The following HBE1 variants were observed in gnomAD, a reference collection of about 807,000 sequenced individuals.
HBE1 encodes the protein hemoglobin subunit epsilon 1, also known as hemoglobin subunit epsilon.
Under a neutral mutation model 12.1 loss-of-function variants are expected in HBE1, and 10 were observed. The ratio of observed to expected loss-of-function variants is 0.83; its 90% CI spans 0.51 to 1.40. HBE1 has a LOEUF of 1.40. Among genes scored for constraint, HBE1 ranks in the 40% most tolerant of loss-of-function variants. The pLI, the probability that HBE1 is intolerant of heterozygous loss-of-function variation, is 0.00. For missense variants in HBE1, 172 were observed against 175.8 expected (o/e 0.98, Z 0.12); for synonymous variants, 78 against 70.4 (o/e 1.11, Z -0.54).
chr11:5,268,499 G>A lies in HBE1; in HGVS notation c.414C>T (p.Val138=), dbSNP rs145809569. The A allele has an allele frequency of 1.2e-5, 19 of 1,613,914 alleles. No homozygotes were observed. Among genetic ancestry groups the A allele is most frequent in the South Asian group, 6.6e-5 (6 of 91,060 alleles). The change falls in exon 3 of 3, where the codon GTC becomes GTT. Residue 138 remains valine (V), a synonymous_variant. Coordinates refer to ENST00000396895, the MANE Select transcript of HBE1 (RefSeq NM_005330.4). The part of the protein sequence containing the change: ...QAAWQKLVSA[V]AIALAHKYH ...GGTACTTATGGGCCAGGGCAATGGC[G>A]ACAGCAGACACCAGCTTCTGCCAGG... is the stretch of plus-strand genomic sequence containing the variant.
In HBE1 at chr11:5,268,515, T is replaced by G; in HGVS notation, c.398A>C (p.Lys133Thr). The G allele has an allele frequency of 3.1e-6, 5 of 1,613,834 alleles. No individual in the cohort carries two copies. Among genetic ancestry groups the G allele is most frequent in the Non-Finnish European group, 4.2e-6 (5 of 1,179,760 alleles). ...FTPEVQAAWQKLVSAVAIALA... is the reference protein window; with the variant it reads ...FTPEVQAAWQTLVSAVAIALA... ...GGCAATGGCGACAGCAGACACCAGC[T>G]TCTGCCAGGCAGCCTGCACTTCAGG... The change falls in exon 3 of 3, where the codon AAG (lysine) becomes ACG (threonine). Residue 133 changes from lysine to threonine, a missense_variant. Transcript: ENST00000396895.
At chr11:5,268,657 C>A in intron 2 of HBE1, 60 bp from the exon 3 acceptor site, 4 of 1,408,806 alleles carry the variant, frequency 2.8e-6, no homozygotes, top group Non-Finnish European at 3.8e-6. Flanking sequence ...CCGAAAACAA[C>A]TTGATGAAAA....
Position 5,268,425 on chromosome 11 carries a change from G to T in HBE1, c.*44C>A, listed in dbSNP as rs762454824. On this transcript the variant is annotated 3_prime_UTR_variant, in exon 3 of 3. Transcript: ENST00000396895. ...CAAGCCCAGTCCCCATGTGCAGAAG[G>T]AGGGTGTCAGGGTCACAGGAACACC... 1.3e-6 allele frequency: 2 copies of T among 1,584,490 alleles called. No homozygotes were observed. Among genetic ancestry groups the T allele is most frequent in the South Asian group, 2.2e-5 (2 of 89,028 alleles).
chr11:5,269,145 A>C (rs894600693), intron 2 of HBE1, among the ~76,000 whole-genome samples: 4 of 152,142 alleles, frequency 2.6e-5, no homozygotes. Flanking sequence ...ACTTTCATCT[A>C]CCAAAAGCCA....
chr11:5,268,822 C>A (rs1275407478), intron 2 of HBE1, among the ~76,000 whole-genome samples: 1 of 152,138 alleles, frequency 6.6e-6, no homozygotes, highest in Non-Finnish European at 1.5e-5. Flanking sequence ...CCTACCTACA[C>A]CCTCACCCCC....
Position 5,268,583 on chromosome 11 carries a change from C to A in HBE1, c.330G>T (p.Val110=). 6.2e-7 allele frequency: 1 copy of A among 1,612,816 alleles called. No individual in the cohort carries two copies. The highest frequency in any genetic ancestry group is 1.3e-5 in the African/African-American group (1 of 74,920). The stretch of plus-strand genomic sequence containing the variant: ...AGTGAGTAGCCAGAATAATCACCAT[C>A]ACGTTACCCAGGAGCTGTTAGGCAA... ...DPENFKLLGN[V]MVIILATHFG... is the part of the protein sequence containing the mutation. The change falls in exon 3 of 3, where the codon GTG becomes GTT. Residue 110 remains valine, a synonymous_variant. Transcript: ENST00000396895.
chr11:5,268,850 A>G (rs1407891533), intron 2 of HBE1, among the ~76,000 whole-genome samples: 1 of 152,030 alleles, frequency 6.6e-6, no homozygotes, highest in African/African-American at 2.4e-5. Context: ...TTTTACCAGT[A>G]TTATTGGGTT....
At chr11:5,268,712 C>T in intron 2 of HBE1, 115 bp from the exon 3 acceptor site, 1 of 929,318 alleles carries the variant, frequency 1.1e-6, no homozygotes. Flanking sequence ...CATTCCTAGA[C>T]AACCCTGACC....
intron 2 of HBE1, among the ~76,000 whole-genome samples, chr11:5,269,217 C>T (rs564423321): frequency 6.6e-6 from 1 of 152,250 alleles, no homozygotes; most frequent in Admixed American, 6.5e-5. Context: ...ATAAACACAT[C>T]AAGTTCTGGC....
At chr11:5,268,688 C>A (rs1036552696) in intron 2 of HBE1, 91 bp from the exon 3 acceptor site, 2 of 584,832 alleles carry the variant, frequency 3.4e-6, no homozygotes, top group Non-Finnish European at 5.6e-6. Context: ...CAAACAAAAA[C>A]GGCTTTATAC....
In HBE1 at chr11:5,268,479, T is replaced by A; in HGVS notation, c.434A>T (p.Lys145Met). The A allele has an allele frequency of 2.5e-6, 4 of 1,613,748 alleles. No individual in the cohort carries two copies. Among genetic ancestry groups the A allele is most frequent in the Non-Finnish European group, 3.4e-6 (4 of 1,179,764 alleles). The part of the protein sequence containing the change: ...VSAVAIALAH[K>M]YH ...AAACTGGAAGAGAACTCAGTGGTAC[T>A]TATGGGCCAGGGCAATGGCGACAGC... The change falls in exon 3 of 3, where the codon AAG becomes ATG. Residue 145 changes from lysine to methionine, a missense_variant. By Grantham distance (95) the Lys-to-Met change is moderately conservative. Coordinates refer to ENST00000396895, the MANE Select transcript of HBE1 (RefSeq NM_005330.4).
rs1297189217 is a variant in HBE1 at position 5,269,911 on chromosome 11, G to A, written c.-21C>T. 6.5e-7 allele frequency: 1 copy of A among 1,548,772 alleles called. No homozygotes were observed. The highest frequency in any genetic ancestry group is 2.2e-5 in the East Asian group (1 of 44,536). Reference sequence around the variant, plus strand: ...ACCATGATGCCAGGCCTGAGAGCTTGCTAGTGATTGCAGCTGTGTCGGAAG... The same window carrying A: ...ACCATGATGCCAGGCCTGAGAGCTTACTAGTGATTGCAGCTGTGTCGGAAG... On this transcript the variant is annotated 5_prime_UTR_variant, in exon 1 of 3. Transcript: ENST00000396895.
Position 5,269,621 on chromosome 11 carries a change from A to G in HBE1, c.148T>C (p.Ser50Pro), listed in dbSNP as rs199671792. The change falls in exon 2 of 3, where the codon TCG becomes CCG. Residue 50 changes from serine (S) to proline (P), a missense_variant. Coordinates refer to ENST00000396895, the MANE Select transcript of HBE1 (RefSeq NM_005330.4). ...TTGCCCAGGATGGCAGAGGGAGACG[A>G]CAGGTTTCCAAAGCTGTCAAAAAAT... Reference protein sequence around the residue: ...QRFFDSFGNLSSPSAILGNPK... With the variant: ...QRFFDSFGNLPSPSAILGNPK... 6.1e-5 allele frequency: 99 copies of G among 1,613,528 alleles called. No individual in the cohort carries two copies. The highest frequency in any genetic ancestry group is 7.8e-5 in the Non-Finnish European group (92 of 1,179,548).
At position 5,268,514 on chromosome 11, in the gene HBE1, C is replaced by T; in HGVS notation, c.399G>A (p.Lys133=). Residue 133 remains lysine, a synonymous_variant, in exon 3 of 3, where the codon AAG becomes AAA. Coordinates refer to ENST00000396895, the MANE Select transcript of HBE1 (RefSeq NM_005330.4). ...GGGCAATGGCGACAGCAGACACCAG[C>T]TTCTGCCAGGCAGCCTGCACTTCAG... is the stretch of plus-strand genomic sequence containing the variant. The part of the protein sequence containing the change: ...FTPEVQAAWQ[K]LVSAVAIALA... The T allele has an allele frequency of 1.2e-6, 2 of 1,613,904 alleles. No individual in the cohort carries two copies. The highest frequency in any genetic ancestry group is 1.7e-6 in the Non-Finnish European group (2 of 1,179,796).
rs755784661 is a variant in HBE1, at chr11:5,269,639, C to CA, written c.129dup (p.Asp44Ter). ...GGAGACGACAGGTTTCCAAAGCTGT[C>CA]AAAAAATCTCTGGGTCCAGGGGTAA... On this transcript the variant is annotated frameshift_variant, in exon 2 of 3. Transcript: ENST00000396895. LOFTEE classifies it high-confidence loss of function. 4 of 1,613,330 alleles carry CA rather than the reference C, an allele frequency of 2.5e-6. No individual in the cohort carries two copies. The highest frequency in any genetic ancestry group is 2.5e-6 in the Non-Finnish European group (3 of 1,179,506).
Position 5,269,741 on chromosome 11 carries a change from T to C in HBE1, c.92+58A>G, listed in dbSNP as rs73402671. On this transcript the variant is annotated intron_variant, in intron 1 of 2. Transcript: ENST00000396895. The stretch of plus-strand genomic sequence containing the variant: ...CAAAAAATCTTGAGGACTTTCCCAA[T>C]CAACTTGCTAGGGTAATATTCACCC... 3,894 of 1,565,630 alleles carry C rather than the reference T, an allele frequency of 2.5e-3. 88 individuals are homozygous for C. The African/African-American group carries it at 0.046, about 18-fold the overall frequency.
At chr11:5,268,953 C>G (rs918254029) in intron 2 of HBE1, among the ~76,000 whole-genome samples, 1 of 152,074 alleles carries the variant, frequency 6.6e-6, no homozygotes, top group South Asian at 2.1e-4. Context: ...GTTTAAAATC[C>G]CCAACAAATT....
chr11:5,269,713 A>C, intron 1 of HBE1, 37 bp from the exon 2 acceptor site: 1 of 1,580,040 alleles, frequency 6.3e-7, no homozygotes, highest in Non-Finnish European at 8.7e-7. Context: ...AAAATTAGAG[A>C]TGCAAAAAAT....
Position 5,269,581 on chromosome 11 carries a change from G to A in HBE1, c.188C>T (p.Ala63Val), listed in dbSNP as rs1848169427. 6 of 1,613,526 alleles carry A rather than the reference G, an allele frequency of 3.7e-6. No homozygotes were observed. The highest frequency in any genetic ancestry group is 5.1e-6 in the Non-Finnish European group (6 of 1,179,588). ...SAILGNPKVKAHGKKVLTSFG... is the reference protein window; with the variant it reads ...SAILGNPKVKVHGKKVLTSFG... Reference sequence around the variant, plus strand: ...GGAAGTCAGCACCTTCTTGCCATGGGCCTTGACCTTGGGGTTGCCCAGGAT... The same window carrying A: ...GGAAGTCAGCACCTTCTTGCCATGGACCTTGACCTTGGGGTTGCCCAGGAT... Residue 63 changes from alanine (A) to valine (V), a missense_variant, in exon 2 of 3, where the codon GCC becomes GTC. Transcript: ENST00000396895.
Sources: allele counts gnomAD v4.1 joint callset (sites outside exome capture counted in the v4.1 genomes callset), GRCh38; gene constraint gnomAD v4.1.1; transcripts MANE v1.5; gene names NCBI Gene and HGNC (gene_info 2026-07-23, HGNC 2026-07-21).